The following NCK1 variants were observed in gnomAD, a reference collection of about 807,000 sequenced individuals.
NCK1 encodes the protein NCK adaptor protein 1, also known as SH2/SH3 adapter protein NCK1.
Under a neutral mutation model 36.6 loss-of-function variants are expected in NCK1, and 19 were observed. The ratio of observed to expected loss-of-function variants is 0.52; its 90% CI spans 0.36 to 0.76. The LOEUF (loss-of-function observed/expected upper bound fraction) is 0.76, where lower values mean the gene tolerates loss of function less well. Ranked by LOEUF, NCK1 falls within the 30% of genes least tolerant of loss-of-function variation. The pLI is 0.00. For synonymous variants in NCK1, 165 were observed against 156.0 expected (o/e 1.06, Z -0.43); for missense variants, 358 against 445.6 (o/e 0.80, Z 1.77).
At chr3:136,863,547 G>T (rs1178585098) in intron 1 of NCK1, among the ~76,000 whole-genome samples, 1 of 152,154 alleles carries the variant, frequency 6.6e-6, no homozygotes, top group Non-Finnish European at 1.5e-5. Context: ...ATAGTAATAT[G>T]CACTGGTTGA....
chr3:136,925,482 CT>C (rs1940214383), intron 1 of NCK1, among the ~76,000 whole-genome samples: 3 of 152,154 alleles, frequency 2.0e-5, no homozygotes, highest in Admixed American at 2.0e-4. Flanking sequence ...TACAAAATTT[CT>C]TCATATTGCC....
chr3:136,915,212 G>C (rs973678360), intron 1 of NCK1, among the ~76,000 whole-genome samples: 2 of 152,126 alleles, frequency 1.3e-5, no homozygotes, highest in South Asian at 2.1e-4. Flanking sequence ...TACTACTAAG[G>C]GGTAGTAGTA....
At chr3:136,944,747 C>G (rs936000252) in intron 2 of NCK1, among the ~76,000 whole-genome samples, 2 of 152,126 alleles carry the variant, frequency 1.3e-5, no homozygotes, top group African/African-American at 4.8e-5. Context: ...GAAGTTTTAC[C>G]TAGGGAAGCC....
intron 1 of NCK1, among the ~76,000 whole-genome samples, chr3:136,905,532 C>T (rs1471789368): frequency 6.6e-6 from 1 of 151,122 alleles, no homozygotes; most frequent in East Asian, 2.0e-4. Context: ...GGATTACAGA[C>T]AAGGGTCACA....
chr3:136,863,803 T>C (rs1938320858), intron 1 of NCK1, among the ~76,000 whole-genome samples: 1 of 151,656 alleles, frequency 6.6e-6, no homozygotes, highest in African/African-American at 2.4e-5. Context: ...TGTAATGTTT[T>C]GTTCGATACT....
rs1025714460 is a variant in NCK1 at position 136,951,407 on chromosome 3, A to T, written c.*2954A>T. 2.0e-5 allele frequency among the ~76,000 whole-genome samples: 3 copies of T among 152,332 alleles called. No homozygotes were observed. The highest frequency in any genetic ancestry group is 4.1e-4 in the South Asian group (2 of 4,832). On this transcript the variant is annotated 3_prime_UTR_variant, in exon 4 of 4. Transcript: ENST00000481752. ...CAGTGCTTTAAAAAATTAATTGCCA[A>T]CATTTAAAAATCAGGGAGTTTCACA...
At chr3:136,899,705 A>G in intron 1 of NCK1, 2 of 794,314 alleles carry the variant, frequency 2.5e-6, no homozygotes. Context: ...AATTAGAGAT[A>G]CGAGGAGACT....
intron 1 of NCK1, among the ~76,000 whole-genome samples, chr3:136,905,842 C>T (rs1939670131): frequency 6.6e-6 from 1 of 152,200 alleles, no homozygotes; most frequent in South Asian, 2.1e-4. Flanking sequence ...CCTGGCTGGT[C>T]TTGAACCCCT....
At chr3:136,866,617 T>C (rs111575333) in intron 1 of NCK1, among the ~76,000 whole-genome samples, 37 of 147,714 alleles carry the variant, frequency 2.5e-4, no homozygotes, top group Non-Finnish European at 5.1e-4. Context: ...TCTTTCTTTC[T>C]TCTTTTTTTT....
intron 1 of NCK1, among the ~76,000 whole-genome samples, chr3:136,904,934 G>A (rs184366069): frequency 1.4e-3 from 192 of 139,316 alleles, no homozygotes; most frequent in Admixed American, 6.3e-3. Flanking sequence ...CTAGTCTGTT[G>A]TTGACACTTT....
At chr3:136,867,179 TC>T (rs1553789860) in intron 1 of NCK1, among the ~76,000 whole-genome samples, 2 of 17,162 alleles carry the variant, frequency 1.2e-4, no homozygotes, top group African/African-American at 1.5e-4. Context: ...CTTCCTTCCT[TC>T]TTTCTTTCTT....
chr3:136,869,016 G>A (rs1244109733), intron 1 of NCK1, among the ~76,000 whole-genome samples: 1 of 149,130 alleles, frequency 6.7e-6, no homozygotes, highest in Non-Finnish European at 1.5e-5. Flanking sequence ...GGCATGCGGA[G>A]CCCCTGAGTC....
chr3:136,944,151 G>T (rs1349316658), intron 2 of NCK1, among the ~76,000 whole-genome samples: 5 of 111,776 alleles, frequency 4.5e-5, no homozygotes, highest in Non-Finnish European at 6.7e-5. Context: ...ACAGAGTCTT[G>T]CCCTGTCGCC....
intron 1 of NCK1, among the ~76,000 whole-genome samples, chr3:136,887,176 A>G (rs1465306233): frequency 6.6e-6 from 1 of 152,162 alleles, no homozygotes; most frequent in Non-Finnish European, 1.5e-5. Context: ...ATTTCTTTAG[A>G]AATGAGGTTT....
intron 1 of NCK1, among the ~76,000 whole-genome samples, chr3:136,897,817 A>T (rs780235746): frequency 2.6e-5 from 4 of 152,192 alleles, no homozygotes; most frequent in African/African-American, 9.6e-5. Context: ...TGATTTGAAA[A>T]TTTTTTATAA....
In NCK1 at chr3:136,898,351, C is replaced by T. The variant is rs540587592; in HGVS notation, c.-18-29633C>T. Among the ~76,000 whole-genome samples the T allele has an allele frequency of 1.1e-4, 16 of 142,200 alleles. No homozygotes were observed. The South Asian group carries it at 3.1e-3, about 28-fold the overall frequency. The allele number at this position is 142,200 out of a possible 152,430, so 93.3% of individuals were successfully genotyped here. A position where few individuals can be genotyped will look rare whatever the true frequency, so the allele number is the denominator to read the frequency against. On this transcript the variant is annotated intron_variant, in intron 1 of 3. Transcript: ENST00000481752. Reference sequence around the variant, plus strand: ...GGCGGAGGTTCCAGTGAGCTGAGATCGTGCCAGCCTGGGTGATAGGCAAGA... The same window carrying T: ...GGCGGAGGTTCCAGTGAGCTGAGATTGTGCCAGCCTGGGTGATAGGCAAGA...
At chr3:136,926,981 A>T (rs895614391) in intron 1 of NCK1, among the ~76,000 whole-genome samples, 4 of 152,008 alleles carry the variant, frequency 2.6e-5, no homozygotes, top group East Asian at 1.9e-4. Context: ...TTATTTATTT[A>T]TTTTTTTGAG....
intron 2 of NCK1, among the ~76,000 whole-genome samples, chr3:136,929,200 T>C (rs952452190): frequency 5.9e-5 from 9 of 152,314 alleles, no homozygotes; most frequent in Middle Eastern, 3.4e-3. Context: ...CCTGAGTAGC[T>C]GGGACTACAG....
chr3:136,939,968 C>T (rs1005993898), intron 2 of NCK1, among the ~76,000 whole-genome samples: 8 of 151,332 alleles, frequency 5.3e-5, no homozygotes, highest in African/African-American at 1.9e-4. Flanking sequence ...CCTCCCAACT[C>T]AGCCTCCTGA....
Sources: allele counts gnomAD v4.1 joint callset (sites outside exome capture counted in the v4.1 genomes callset), GRCh38; gene constraint gnomAD v4.1.1; transcripts MANE v1.5; gene names NCBI Gene and HGNC (gene_info 2026-07-23, HGNC 2026-07-21).